The following CTNS variants were observed in gnomAD, a reference collection of about 807,000 sequenced individuals.
CTNS encodes the protein cystinosin.
A neutral mutation model predicts 43.7 loss-of-function variants in CTNS; 27 were observed. The ratio of observed to expected loss-of-function variants is 0.62; its 90% confidence interval spans 0.46 to 0.85. CTNS has a LOEUF of 0.85. CTNS is among the 40% of genes least tolerant of loss of function. CTNS has a pLI of 0.00. For missense variants in CTNS, 457 were observed against 475.4 expected, an observed-to-expected ratio of 0.96 and a Z score of 0.36; for synonymous variants, 187 against 190.6, an observed-to-expected ratio of 0.98 and a Z score of 0.16.
intron 3 of CTNS, among the ~76,000 whole-genome samples, chr17:3,643,238 C>G (rs993374508): frequency 6.6e-6 from 1 of 151,778 alleles, no homozygotes; most frequent in Non-Finnish European, 1.5e-5. Context: ...TGCTTGAACC[C>G]GGGAGGCAGA....
intron 3 of CTNS, among the ~76,000 whole-genome samples, chr17:3,646,585 C>G (rs1241529336): frequency 6.6e-6 from 1 of 152,058 alleles, no homozygotes; most frequent in East Asian, 1.9e-4. Context: ...CCACGCCTGC[C>G]CAGTTTTCTT....
In CTNS at chr17:3,647,613, A is replaced by G. The variant is rs2075875744; in HGVS notation, c.140+91A>G. 4 of 1,127,064 alleles carry G rather than the reference A, an allele frequency of 3.5e-6. No homozygotes were observed. In the Admixed American group the frequency reaches 7.1e-5, roughly 20 times the overall value. The allele number at this position is 1,127,064 out of a possible 1,614,324, so 69.8% of individuals were successfully genotyped here. On this transcript the variant is annotated intron_variant, in intron 4 of 11. Transcript: ENST00000046640. ...CCCTGGCTCAGTCTGTTCAGATTTC[A>G]GATGCGCTATTCTTGCCTCTTACCT...
At chr17:3,651,536 A>G (rs2075982565) in intron 5 of CTNS, among the ~76,000 whole-genome samples, 1 of 152,228 alleles carries the variant, frequency 6.6e-6, no homozygotes, top group Non-Finnish European at 1.5e-5. Context: ...GGCTGGAGGA[A>G]GCAAGCAGGG....
At position 3,656,632 on chromosome 17, in the gene CTNS, C is replaced by G. The variant is rs769870975; in HGVS notation, c.562-44C>G. On this transcript the variant is annotated intron_variant, in intron 8 of 11. Coordinates refer to ENST00000046640, the MANE Select transcript of CTNS (RefSeq NM_004937.3). Reference sequence around the variant, plus strand: ...CATCTCTGCCCACATGGCGTGGTGGCCCGGCTGCCCCTCACCACCCAGCTT... The same window carrying G: ...CATCTCTGCCCACATGGCGTGGTGGGCCGGCTGCCCCTCACCACCCAGCTT... The G allele has an allele frequency of 3.1e-6, 5 of 1,612,632 alleles. No homozygotes were observed. In the South Asian group the frequency reaches 5.5e-5, roughly 18 times the overall value.
At chr17:3,659,751 T>C in intron 10 of CTNS, 107 bp from the exon 11 acceptor site, 1 of 801,936 alleles carries the variant, frequency 1.2e-6, no homozygotes, top group Non-Finnish European at 2.2e-6. Flanking sequence ...AAGGCCCCAG[T>C]GGGAGGAATG....
chr17:3,648,064 C>T (rs1276994212), intron 4 of CTNS, among the ~76,000 whole-genome samples: 1 of 152,220 alleles, frequency 6.6e-6, no homozygotes, highest in Non-Finnish European at 1.5e-5. Flanking sequence ...GCCTTCTCTG[C>T]TCTTAGCTGC....
At position 3,637,296 on chromosome 17, in the gene CTNS, T is replaced by C. The variant is rs1414333621; in HGVS notation, c.-40T>C. 2 of 152,162 alleles carry C rather than the reference T, an allele frequency of 1.3e-5. No individual in the cohort carries two copies. Among genetic ancestry groups the C allele is most frequent in the African/African-American group, 2.4e-5 (1 of 41,440 alleles). 9.4% of individuals were successfully genotyped at this position (152,162 alleles called of 1,614,324 possible). On this transcript the variant is annotated 5_prime_UTR_variant, in exon 2 of 12. Coordinates refer to ENST00000046640, the MANE Select transcript of CTNS (RefSeq NM_004937.3). ...ATTACTGTGTTTTGTGAGAGCTCGC[T>C]AGGCGCCCTAAGCAACAGAGGTAAC...
chr17:3,641,385 T>TATG lies in CTNS; in HGVS notation c.61+1118_61+1119insATG, dbSNP rs57286057. Reference sequence around the variant, plus strand: ...ATATATATATATATATATATATATATTTTTTTTTTTTTTTTTTTTTTTTTG... The same window carrying TATG: ...ATATATATATATATATATATATATATATGTTTTTTTTTTTTTTTTTTTTTTTTG... On this transcript the variant is annotated intron_variant, in intron 3 of 11. Transcript: ENST00000046640. 3.3e-4 allele frequency among the ~76,000 whole-genome samples: 14 copies of TATG among 42,074 alleles called. 1 individual carries two copies. In the South Asian group the frequency reaches 0.014, roughly 42 times the overall value. 27.6% of individuals were successfully genotyped at this position (42,074 alleles called of 152,430 possible). A position where few individuals can be genotyped will look rare whatever the true frequency, so the allele number is the denominator to read the frequency against.
chr17:3,648,927 A>G lies in CTNS; in HGVS notation c.221A>G (p.Asp74Gly), dbSNP rs758038281. The G allele has an allele frequency of 3.2e-5, 51 of 1,608,676 alleles. No homozygotes were observed. The highest frequency in any genetic ancestry group is 1.6e-4 in the Middle Eastern group (1 of 6,080). The change falls in exon 5 of 12, where the codon GAT (aspartate) becomes GGT (glycine). Residue 74 changes from aspartate to glycine, a missense_variant. Transcript: ENST00000046640. Reference protein sequence around the residue: ...SKNITILELPDEVVVPPGVTN... With the variant: ...SKNITILELPGEVVVPPGVTN... ...AATATTACTATCCTTGAGCTCCCCG[A>G]TGAAGTAAGTAACCAATCTTAACGG...
At chr17:3,647,689 G>T in intron 4 of CTNS, 167 bp downstream of exon 4, 1 of 694,436 alleles carries the variant, frequency 1.4e-6, no homozygotes. Context: ...GCTGCAGGAT[G>T]GGATCGCAAA....
chr17:3,651,591 G>C (rs2075983597), intron 5 of CTNS, among the ~76,000 whole-genome samples: 1 of 152,120 alleles, frequency 6.6e-6, no homozygotes, highest in African/African-American at 2.4e-5. Context: ...CTGGGAGCTG[G>C]ATGCATTCAG....
At chr17:3,649,515 G>A (rs2075926195) in intron 5 of CTNS, among the ~76,000 whole-genome samples, 1 of 151,482 alleles carries the variant, frequency 6.6e-6, no homozygotes, top group African/African-American at 2.4e-5. Flanking sequence ...GGCATTCAAG[G>A]ACCAGAGAAT....
At chr17:3,647,770 C>T (rs1445637864) in intron 4 of CTNS, among the ~76,000 whole-genome samples, 1 of 152,310 alleles carries the variant, frequency 6.6e-6, no homozygotes, top group South Asian at 2.1e-4. Flanking sequence ...CAGAGACGTG[C>T]GTCTTTTCCC....
chr17:3,640,409 G>C, intron 3 of CTNS, 142 bp downstream of exon 3: 1 of 950,882 alleles, frequency 1.1e-6, no homozygotes, highest in Non-Finnish European at 1.7e-6. Flanking sequence ...GTGGCCACTG[G>C]GGTGGTGGAG....
rs1025953834 is a variant in CTNS, at chr17:3,649,003, G to A, written c.225+72G>A. On this transcript the variant is annotated intron_variant, in intron 5 of 11. Transcript: ENST00000046640. ...GAACACATTTGAATTAAGAGCTGGT[G>A]GAAACAGGTCTCCTAGGCGGCCCCT... 8 of 1,295,044 alleles carry A rather than the reference G, an allele frequency of 6.2e-6. 1 individual carries two copies. Among genetic ancestry groups the A allele is most frequent in the African/African-American group, 4.4e-5 (3 of 68,594 alleles). The allele number at this position is 1,295,044 out of a possible 1,614,324, so 80.2% of individuals were successfully genotyped here.
Position 3,660,834 on chromosome 17 carries a change from G to A in CTNS, c.*465G>A. 1.3e-6 allele frequency: 2 copies of A among 1,550,480 alleles called. No homozygotes were observed. Among genetic ancestry groups the A allele is most frequent in the Non-Finnish European group, 1.7e-6 (2 of 1,143,294 alleles). ...GGCCAGTGAACTCAGAGGTGCTGGT[G>A]GACGGGCTAGGACTTTGGGGTTAGG... On this transcript the variant is annotated 3_prime_UTR_variant, in exon 12 of 12. Transcript: ENST00000046640.
chr17:3,652,034 T>C (rs369841015), intron 5 of CTNS, among the ~76,000 whole-genome samples: 3 of 151,068 alleles, frequency 2.0e-5, no homozygotes, highest in African/African-American at 7.3e-5. Context: ...TGGTGTGAGA[T>C]GGCATTGATG....
chr17:3,651,931 G>A (rs1210259464), intron 5 of CTNS, among the ~76,000 whole-genome samples: 22 of 141,838 alleles, frequency 1.6e-4, no homozygotes, highest in Non-Finnish European at 6.0e-5. Context: ...CTGAGATCAC[G>A]CCACTGCACT....
chr17:3,647,355 G>A, intron 3 of CTNS, 89 bp from the exon 4 acceptor site: 1 of 1,083,670 alleles, frequency 9.2e-7, no homozygotes, highest in Non-Finnish European at 1.4e-6. Context: ...GAGCTCAGGA[G>A]TTCAGATGTC....
Sources: allele counts gnomAD v4.1 joint callset (sites outside exome capture counted in the v4.1 genomes callset), GRCh38; gene constraint gnomAD v4.1.1; transcripts MANE v1.5; gene names NCBI Gene and HGNC (gene_info 2026-07-23, HGNC 2026-07-21).